RCL1: variants seen among roughly 807,000 people sequenced by gnomAD.
The protein encoded by RCL1 is RNA terminal phosphate cyclase like 1.
Under a neutral mutation model 42.4 loss-of-function variants are expected in RCL1, and 24 were observed. The ratio of observed to expected loss-of-function variants is 0.57; its 90% CI spans 0.41 to 0.80. The LOEUF is 0.80. Among genes scored for constraint, RCL1 ranks in the 30% least tolerant of loss-of-function variants. The pLI is 0.00. For missense variants in RCL1, 578 were observed against 467.9 expected, an observed-to-expected ratio of 1.24 and a Z score of -2.17; for synonymous variants, 228 against 177.3, an observed-to-expected ratio of 1.29 and a Z score of -2.27.
chr9:4,804,035 T>C (rs1843052266), intron 1 of RCL1: 1 of 152,446 alleles, frequency 6.6e-6, no homozygotes, highest in Admixed American at 6.5e-5. Context: ...TAATCCCAAG[T>C]GTGGGTAGTG....
chr9:4,794,248 C>A (rs906019669), intron 1 of RCL1, among the ~76,000 whole-genome samples: 2 of 152,150 alleles, frequency 1.3e-5, no homozygotes, highest in Non-Finnish European at 2.9e-5. Context: ...ATCTCTGCCT[C>A]TCTTGGGTGG....
Position 4,849,539 on chromosome 9 carries a change from C to T in RCL1, c.960C>T (p.Leu320=). ...TTTCCAAAGTCCTGCTAGGCCCTCT[C>T]TCTCCCTACACGTAAGTTATTCTTT... ...QDVSKVLLGP[L]SPYTIEFLRH... The change falls in exon 8 of 9, where the codon CTC becomes CTT. Residue 320 remains leucine (L), a synonymous_variant. Coordinates refer to ENST00000381750, the MANE Select transcript of RCL1 (RefSeq NM_005772.5). 6.2e-7 allele frequency: 1 copy of T among 1,610,918 alleles called. No homozygotes were observed. Among genetic ancestry groups the T allele is most frequent in the East Asian group, 2.2e-5 (1 of 44,866 alleles).
At chr9:4,822,770 G>A (rs574187709) in intron 1 of RCL1, among the ~76,000 whole-genome samples, 52 of 152,192 alleles carry the variant, frequency 3.4e-4, no homozygotes, top group Non-Finnish European at 6.2e-4. Context: ...ACAGTGAGAC[G>A]TGATCACGCC....
At chr9:4,859,636 G>A (rs1477383042) in intron 8 of RCL1, among the ~76,000 whole-genome samples, 1 of 152,118 alleles carries the variant, frequency 6.6e-6, no homozygotes, top group African/African-American at 2.4e-5. Context: ...GTGAATCATG[G>A]AAATAGGTGT....
intron 1 of RCL1, among the ~76,000 whole-genome samples, chr9:4,798,560 A>G (rs910637261): frequency 6.6e-6 from 1 of 152,254 alleles, no homozygotes; most frequent in Non-Finnish European, 1.5e-5. Context: ...GTCCTTTAAA[A>G]TGTGCTGAGG....
chr9:4,827,055 T>A, intron 3 of RCL1, 22 bp downstream of exon 3: 3 of 1,614,098 alleles, frequency 1.9e-6, no homozygotes, highest in Non-Finnish European at 2.5e-6. Flanking sequence ...GAACAAACCG[T>A]GGTGTGGTTT....
In RCL1 at chr9:4,849,646, A is replaced by C. The variant is rs111719199; in HGVS notation, c.971+96A>C. The C allele has an allele frequency of 8.4e-5, 70 of 836,226 alleles. No individual in the cohort carries two copies. The African/African-American group carries it at 1.0e-3, about 12-fold the overall frequency. The allele number at this position is 836,226 out of a possible 1,614,324, so 51.8% of individuals were successfully genotyped here. On this transcript the variant is annotated intron_variant, in intron 8 of 8. Transcript: ENST00000381750. The stretch of plus-strand genomic sequence containing the variant: ...TGTTGTGCTGCACAGAGCCTGCACT[A>C]TGAACACCTGCTTGTGTTTATCCTC...
chr9:4,853,190 A>G (rs1247519989), intron 8 of RCL1, among the ~76,000 whole-genome samples: 3 of 151,966 alleles, frequency 2.0e-5, no homozygotes, highest in African/African-American at 4.8e-5. Flanking sequence ...AAGTACTATC[A>G]TGTGCACCGT....
chr9:4,825,495 C>G (rs149091767), intron 2 of RCL1, among the ~76,000 whole-genome samples: 15 of 152,196 alleles, frequency 9.9e-5, no homozygotes, highest in African/African-American at 3.6e-4. Context: ...GAATATGGTC[C>G]TGATTGTGAT....
chr9:4,814,776 G>A (rs1816313156), intron 1 of RCL1, among the ~76,000 whole-genome samples: 1 of 152,018 alleles, frequency 6.6e-6, no homozygotes, highest in Non-Finnish European at 1.5e-5. Context: ...TCTAGATGTA[G>A]GACCTTCTTG....
intron 3 of RCL1, 105 bp from the exon 4 acceptor site, chr9:4,833,049 C>A: frequency 1.3e-6 from 1 of 750,284 alleles, no homozygotes; most frequent in East Asian, 2.6e-5. Flanking sequence ...TTCTGTTTAC[C>A]ACACTGCATC....
At chr9:4,797,075 G>C (rs992829262) in intron 1 of RCL1, among the ~76,000 whole-genome samples, 59 of 152,294 alleles carry the variant, frequency 3.9e-4, no homozygotes, top group Admixed American at 3.9e-4. Context: ...TTGGACCTTG[G>C]TTTGAGTACG....
At chr9:4,808,813 G>A (rs1378994600) in intron 1 of RCL1, among the ~76,000 whole-genome samples, 1 of 152,154 alleles carries the variant, frequency 6.6e-6, no homozygotes, top group Admixed American at 6.5e-5. Context: ...TATAAGCAAA[G>A]CATGATATCT....
intron 1 of RCL1, among the ~76,000 whole-genome samples, chr9:4,811,715 C>G (rs1293978353): frequency 1.3e-5 from 2 of 152,072 alleles, no homozygotes; most frequent in African/African-American, 4.8e-5. Flanking sequence ...TGGTATATAC[C>G]TAGTAATGGG....
chr9:4,859,695 A>G (rs1818092947), intron 8 of RCL1, among the ~76,000 whole-genome samples: 1 of 152,178 alleles, frequency 6.6e-6, no homozygotes, highest in Admixed American at 6.5e-5. Context: ...AGCCAGGTAC[A>G]TTGGGACACC....
chr9:4,829,356 G>T (rs897044444), intron 3 of RCL1, among the ~76,000 whole-genome samples: 1 of 152,184 alleles, frequency 6.6e-6, no homozygotes, highest in African/African-American at 2.4e-5. Flanking sequence ...GTGAGAGGAA[G>T]GGGCCATAGA....
chr9:4,794,444 A>G (rs1471288350), intron 1 of RCL1, among the ~76,000 whole-genome samples: 1 of 152,140 alleles, frequency 6.6e-6, no homozygotes, highest in East Asian at 1.9e-4. Context: ...AGAGACCACA[A>G]ATGGTTTATG....
At chr9:4,803,809 G>C (rs1254822686) in intron 1 of RCL1, 1 of 172,362 alleles carries the variant, frequency 5.8e-6, no homozygotes, top group African/African-American at 2.4e-5. Context: ...TCATGTGGAA[G>C]GCAAGGCAGT....
intron 3 of RCL1, among the ~76,000 whole-genome samples, chr9:4,831,828 G>C (rs540427621): frequency 6.6e-6 from 1 of 152,224 alleles, no homozygotes; most frequent in Non-Finnish European, 1.5e-5. Flanking sequence ...TTTAGTTGGG[G>C]CTTCTTAGCC....
Sources: gnomAD v4.1 joint callset for allele counts (sites outside exome capture counted in the v4.1 genomes callset) on GRCh38, gnomAD v4.1.1 for gene constraint, MANE v1.5 for transcripts, NCBI Gene and HGNC (gene_info 2026-07-23, HGNC 2026-07-21) for gene names.